Variants in TRAPPC8 observed in about 807,000 individuals in gnomAD.
TRAPPC8 encodes trafficking protein particle complex subunit 8, also known as general sporulation gene 1 homolog.
Under a neutral mutation model 174.3 loss-of-function variants are expected in TRAPPC8, and 54 were observed. That is an observed-to-expected ratio of 0.31 (90% CI 0.25 to 0.39). TRAPPC8 has a LOEUF of 0.39. Ranked by LOEUF, TRAPPC8 falls within the 10% of genes least tolerant of loss-of-function variation. The pLI, the probability that TRAPPC8 is intolerant of heterozygous loss-of-function variation, is 1.00. For missense variants in TRAPPC8, 1,531 were observed against 1,699.1 expected (o/e 0.90, Z 1.74); for synonymous variants, 630 against 579.9 (o/e 1.09, Z -1.24).
At chr18:31,886,345 G>A (rs9965553) in intron 12 of TRAPPC8, among the ~76,000 whole-genome samples, 3,317 of 23,438 alleles carry the variant, frequency 0.14, 412 homozygotes, top group African/African-American at 0.2. Context: ...GTTTCTTGAG[G>A]AAAAAAAAAA....
chr18:31,943,013 G>A lies in TRAPPC8; in HGVS notation c.-249C>T, dbSNP rs558176937. Reference sequence around the variant, plus strand: ...TCCCCGCGTGCTCGCATTCCACCCCGATAGGTGGAGACGCCGACAGTCACC... The same window carrying A: ...TCCCCGCGTGCTCGCATTCCACCCCAATAGGTGGAGACGCCGACAGTCACC... On this transcript the variant is annotated 5_prime_UTR_variant, in exon 1 of 29. Coordinates refer to ENST00000283351, the MANE Select transcript of TRAPPC8 (RefSeq NM_014939.5). 6.3e-5 allele frequency: 42 copies of A among 670,268 alleles called. No individual in the cohort carries two copies. In the African/African-American group the frequency reaches 7.5e-4, roughly 12 times the overall value. The allele number at this position is 670,268 out of a possible 1,614,324, so 41.5% of individuals were successfully genotyped here.
chr18:31,907,362 A>G, intron 9 of TRAPPC8, 98 bp downstream of exon 9: 1 of 1,228,776 alleles, frequency 8.1e-7, no homozygotes, highest in South Asian at 1.8e-5. Flanking sequence ...CTCTTTGAGT[A>G]CAACTTTATC....
chr18:31,879,440 A>C (rs1009352807), intron 12 of TRAPPC8, among the ~76,000 whole-genome samples: 8 of 152,192 alleles, frequency 5.3e-5, no homozygotes, highest in Non-Finnish European at 7.4e-5. Context: ...GAACACAGAA[A>C]CACAACATAT....
At chr18:31,913,250 G>C (rs1196693521) in intron 5 of TRAPPC8, 119 bp downstream of exon 5, 2 of 1,142,416 alleles carry the variant, frequency 1.8e-6, no homozygotes, top group Non-Finnish European at 2.4e-6. Flanking sequence ...GCTCACCTCT[G>C]ACAGATCAAA....
At chr18:31,867,083 A>G in intron 17 of TRAPPC8, 108 bp from the exon 18 acceptor site, 4 of 1,171,644 alleles carry the variant, frequency 3.4e-6, no homozygotes, top group Non-Finnish European at 4.7e-6. Context: ...CTAAACTTTT[A>G]AAATGCCAAT....
At chr18:31,907,096 A>G (rs2036692921) in intron 9 of TRAPPC8, among the ~76,000 whole-genome samples, 1 of 152,318 alleles carries the variant, frequency 6.6e-6, no homozygotes, top group South Asian at 2.1e-4. Flanking sequence ...ACCCTAATAC[A>G]TGACCATTTT....
chr18:31,848,091 AAAAC>A (rs1233826945), intron 25 of TRAPPC8, among the ~76,000 whole-genome samples: 3 of 152,030 alleles, frequency 2.0e-5, no homozygotes, highest in Non-Finnish European at 4.4e-5. Flanking sequence ...AACTCTAACT[AAAAC>A]AAACAAAAAT....
chr18:31,930,193 C>G (rs1021554809), intron 2 of TRAPPC8, among the ~76,000 whole-genome samples: 1 of 151,492 alleles, frequency 6.6e-6, no homozygotes, highest in African/African-American at 2.4e-5. Context: ...CATCTTGGCT[C>G]ACTGCAACCT....
rs138784203 is a variant in TRAPPC8, at chr18:31,876,807, GACA to G, written c.1729-2106_1729-2104del. On this transcript the variant is annotated intron_variant, in intron 12 of 28. Coordinates refer to ENST00000283351, the MANE Select transcript of TRAPPC8 (RefSeq NM_014939.5). ...GAGTCCCTCTGCCCTCATGATGCAG[GACA>G]ACACTAACAGTGGCAGTTTGAGAAC... Among the ~76,000 whole-genome samples, 688 of 152,226 alleles carry G rather than the reference GACA, an allele frequency of 4.5e-3. 4 individuals carry two copies. Among genetic ancestry groups the G allele is most frequent in the African/African-American group, 0.016 (660 of 41,542 alleles).
At chr18:31,863,729 A>C (rs1160325071) in intron 19 of TRAPPC8, among the ~76,000 whole-genome samples, 1 of 152,072 alleles carries the variant, frequency 6.6e-6, no homozygotes, top group Admixed American at 6.6e-5. Context: ...TGTGGGAGGA[A>C]GGGCCTTTTT....
chr18:31,891,384 A>C (rs773752211), intron 11 of TRAPPC8, among the ~76,000 whole-genome samples: 1 of 152,186 alleles, frequency 6.6e-6, no homozygotes, highest in Non-Finnish European at 1.5e-5. Flanking sequence ...TTTTGCTATA[A>C]TTCTAGAGGG....
intron 3 of TRAPPC8, among the ~76,000 whole-genome samples, chr18:31,916,950 A>AT (rs1168991510): frequency 3.3e-5 from 5 of 151,790 alleles, no homozygotes; most frequent in African/African-American, 1.2e-4. Flanking sequence ...ATTCTAACAG[A>AT]TTTTTTTTGT....
chr18:31,901,873 G>C (rs2145434008), intron 9 of TRAPPC8, among the ~76,000 whole-genome samples: 1 of 152,342 alleles, frequency 6.6e-6, no homozygotes, highest in African/African-American at 2.4e-5. Flanking sequence ...GCTTATGGGT[G>C]AATGTTTGGT....
chr18:31,872,971 C>T (rs2034948220), intron 14 of TRAPPC8, among the ~76,000 whole-genome samples: 1 of 142,662 alleles, frequency 7.0e-6, no homozygotes, highest in Admixed American at 7.2e-5. Context: ...CTTCAGGTGA[C>T]AGGACAAAAG....
chr18:31,880,859 A>C (rs564524891), intron 12 of TRAPPC8, among the ~76,000 whole-genome samples: 9 of 152,246 alleles, frequency 5.9e-5, no homozygotes, highest in Admixed American at 3.9e-4. Flanking sequence ...TACAGTCATA[A>C]AACTCAGGAT....
chr18:31,856,153 G>A (rs12608051), intron 20 of TRAPPC8, among the ~76,000 whole-genome samples: 38,076 of 151,538 alleles, frequency 0.25, 5,340 homozygotes, highest in South Asian at 0.52. Flanking sequence ...CACCCAGGTG[G>A]GAGTGCAGTG....
At chr18:31,903,127 T>C (rs772083777) in intron 9 of TRAPPC8, among the ~76,000 whole-genome samples, 4,937 of 150,514 alleles carry the variant, frequency 0.033, 257 homozygotes, top group African/African-American at 0.11. Flanking sequence ...CGTGCGTGTG[T>C]GTGTGTGTGT....
At chr18:31,903,298 C>T (rs1019293169) in intron 9 of TRAPPC8, among the ~76,000 whole-genome samples, 2 of 152,136 alleles carry the variant, frequency 1.3e-5, no homozygotes, top group Non-Finnish European at 2.9e-5. Context: ...GAAGAATTAT[C>T]TACGACAGTA....
At chr18:31,876,995 G>A (rs1426756102) in intron 12 of TRAPPC8, among the ~76,000 whole-genome samples, 1 of 152,228 alleles carries the variant, frequency 6.6e-6, no homozygotes, top group Non-Finnish European at 1.5e-5. Context: ...CAACTGCTGT[G>A]ACATTAGCAA....
Sources: gnomAD v4.1 joint callset for allele counts (sites outside exome capture counted in the v4.1 genomes callset) on GRCh38, gnomAD v4.1.1 for gene constraint, MANE v1.5 for transcripts, NCBI Gene and HGNC (gene_info 2026-07-23, HGNC 2026-07-21) for gene names.